The following KMO variants were observed in gnomAD, a reference collection of about 807,000 sequenced individuals.
The protein encoded by KMO is kynurenine 3-monooxygenase.
A neutral mutation model predicts 57.8 loss-of-function variants in KMO; 24 were observed. That is an observed-to-expected ratio of 0.42 (90% confidence interval 0.30 to 0.58). KMO has a LOEUF of 0.58. KMO is among the 20% of genes least tolerant of loss of function. The pLI is 0.22. For missense variants in KMO, 483 were observed against 588.2 expected, an observed-to-expected ratio of 0.82 and a Z score of 1.85; for synonymous variants, 210 against 193.6, an observed-to-expected ratio of 1.08 and a Z score of -0.70.
In KMO at chr1:241,586,748, CA is replaced by C. The variant is rs1663006828; in HGVS notation, c.1015+14del. 1 of 1,582,994 alleles carries C rather than the reference CA, an allele frequency of 6.3e-7. No homozygotes were observed. The highest frequency in any genetic ancestry group is 8.6e-7 in the Non-Finnish European group (1 of 1,161,864). ...CAGTAACGACCTTAGTAAGTAAGGT[CA>C]ATTTCTCAACTGGACATGTACTAGC... On this transcript the variant is annotated intron_variant, in intron 11 of 14. Transcript: ENST00000366559.
At chr1:241,551,090 A>C (rs1309094683) in intron 4 of KMO, 46 bp downstream of exon 4, 1 of 1,091,750 alleles carries the variant, frequency 9.2e-7, no homozygotes, top group East Asian at 2.6e-5. Context: ...TAAGGAAGTC[A>C]AAGTCTGGAA....
chr1:241,581,050 C>A (rs757731231), intron 10 of KMO, among the ~76,000 whole-genome samples: 2 of 151,926 alleles, frequency 1.3e-5, no homozygotes, highest in Non-Finnish European at 1.5e-5. Context: ...ATTCTCTTAC[C>A]AAATTGACCT....
At chr1:241,548,308 T>C (rs933977302) in intron 1 of KMO, among the ~76,000 whole-genome samples, 3 of 152,106 alleles carry the variant, frequency 2.0e-5, no homozygotes, top group African/African-American at 7.2e-5. Context: ...AATTAAAGTA[T>C]ATTGCTTAGA....
intron 10 of KMO, among the ~76,000 whole-genome samples, chr1:241,572,547 A>G (rs1330083024): frequency 6.6e-6 from 1 of 151,876 alleles, no homozygotes; most frequent in Non-Finnish European, 1.5e-5. Flanking sequence ...CTTTTGTATT[A>G]TATTTTAGCC....
At chr1:241,555,965 G>T (rs143077179) in intron 5 of KMO, among the ~76,000 whole-genome samples, 1 of 152,070 alleles carries the variant, frequency 6.6e-6, no homozygotes, top group African/African-American at 2.4e-5. Flanking sequence ...TGTACCTATA[G>T]TCCCAGCTAC....
chr1:241,562,788 G>A lies in KMO; in HGVS notation c.615+456G>A, dbSNP rs61825643. Among the ~76,000 whole-genome samples the A allele has an allele frequency of 4.5e-3, 679 of 152,008 alleles. 4 individuals carry two copies. In the Middle Eastern group the frequency reaches 0.051, roughly 11 times the overall value. On this transcript the variant is annotated intron_variant, in intron 7 of 14. Transcript: ENST00000366559. ...CAGGAGGTCAAGGCTGCAGTGAGCC[G>A]AGATCATGCCAATGCACTCTATCCT... is the stretch of plus-strand genomic sequence containing the variant.
chr1:241,533,267 G>A (rs914723893), intron 1 of KMO, among the ~76,000 whole-genome samples: 1 of 152,184 alleles, frequency 6.6e-6, no homozygotes, highest in Non-Finnish European at 1.5e-5. Context: ...GTTAGTCAAG[G>A]TTAAATCATT....
intron 10 of KMO, among the ~76,000 whole-genome samples, chr1:241,575,476 A>G (rs1370592607): frequency 6.6e-6 from 1 of 152,034 alleles, no homozygotes; most frequent in African/African-American, 2.4e-5. Context: ...CACTATTATC[A>G]TTCATTTCAA....
chr1:241,575,075 CA>C lies in KMO; in HGVS notation c.957+6432del, dbSNP rs1468332851. Among the ~76,000 whole-genome samples the C allele has an allele frequency of 2.6e-5, 4 of 151,918 alleles. 1 individual carries two copies. Among genetic ancestry groups the C allele is most frequent in the Non-Finnish European group, 4.4e-5 (3 of 67,900 alleles). On this transcript the variant is annotated intron_variant, in intron 10 of 14. Transcript: ENST00000366559. Reference sequence around the variant, plus strand: ...TGCAAAAAGGTGTTCCTAGTAGTCTCAAAAGATCTTTTGTATTTTTGTGGTG... The same window carrying C: ...TGCAAAAAGGTGTTCCTAGTAGTCTCAAAGATCTTTTGTATTTTTGTGGTG...
chr1:241,543,837 G>T (rs1661040035), intron 1 of KMO, among the ~76,000 whole-genome samples: 1 of 152,150 alleles, frequency 6.6e-6, no homozygotes. Flanking sequence ...TACATGTTCA[G>T]TTGGCAAACA....
At chr1:241,541,525 CTA>C (rs1660958782) in intron 1 of KMO, among the ~76,000 whole-genome samples, 1 of 152,100 alleles carries the variant, frequency 6.6e-6, no homozygotes, top group South Asian at 2.1e-4. Context: ...AAGATCAAGA[CTA>C]GAGTAAAAGT....
chr1:241,536,250 T>C (rs1230220239), intron 1 of KMO, among the ~76,000 whole-genome samples: 1 of 152,164 alleles, frequency 6.6e-6, no homozygotes, highest in African/African-American at 2.4e-5. Flanking sequence ...TAGCACATCA[T>C]TTCAAAAAAA....
intron 5 of KMO, among the ~76,000 whole-genome samples, chr1:241,559,066 C>T (rs1167635721): frequency 6.6e-6 from 1 of 150,946 alleles, no homozygotes; most frequent in Non-Finnish European, 1.5e-5. Context: ...TGCCATTGCA[C>T]TCCATCCTGG....
At chr1:241,564,320 C>G (rs1661994669) in intron 7 of KMO, among the ~76,000 whole-genome samples, 1 of 152,092 alleles carries the variant, frequency 6.6e-6, no homozygotes. Flanking sequence ...ATGTGCGTCA[C>G]TTGGGTCTTT....
chr1:241,545,250 G>A (rs1661100916), intron 1 of KMO, among the ~76,000 whole-genome samples: 1 of 152,188 alleles, frequency 6.6e-6, no homozygotes, highest in Admixed American at 6.5e-5. Context: ...AGGACAGACA[G>A]ATATTGATTA....
intron 1 of KMO, among the ~76,000 whole-genome samples, chr1:241,534,453 AAT>A (rs1386944558): frequency 1.6e-4 from 25 of 152,326 alleles, no homozygotes; most frequent in African/African-American, 5.8e-4. Context: ...AGGAGACAAA[AAT>A]TACTACTTGC....
chr1:241,586,371 T>C (rs1662985639), intron 10 of KMO, among the ~76,000 whole-genome samples: 1 of 151,840 alleles, frequency 6.6e-6, no homozygotes, highest in Non-Finnish European at 1.5e-5. Context: ...GCTATTATTT[T>C]GTATTTTTAG....
intron 5 of KMO, among the ~76,000 whole-genome samples, chr1:241,558,238 A>G (rs1157420854): frequency 6.6e-6 from 1 of 152,260 alleles, no homozygotes; most frequent in Non-Finnish European, 1.5e-5. Context: ...CTTGGTGTAC[A>G]CACCAGAAGT....
At chr1:241,549,286 AAAGGAGAAAGAGC>A (rs1661302641) in intron 2 of KMO, among the ~76,000 whole-genome samples, 1 of 124,888 alleles carries the variant, frequency 8.0e-6, no homozygotes, top group Admixed American at 7.9e-5. Context: ...AGAAAGAAAG[AAAGGAGAAAGAGC>A]AAGAAAGAAA....
Sources: allele counts gnomAD v4.1 joint callset (sites outside exome capture counted in the v4.1 genomes callset), GRCh38; gene constraint gnomAD v4.1.1; transcripts MANE v1.5; gene names NCBI Gene and HGNC (gene_info 2026-07-23, HGNC 2026-07-21).